Variants in TENM3 observed in about 807,000 individuals in gnomAD.
TENM3 encodes teneurin-3.
TENM3 carries 63 observed loss-of-function variants against 255.1 expected under a neutral mutation model. That is an observed-to-expected ratio of 0.25 (90% CI 0.20 to 0.30). The LOEUF (loss-of-function observed/expected upper bound fraction) is 0.30. Among genes scored for constraint, TENM3 ranks in the 10% least tolerant of loss-of-function variants. The pLI is 1.00. For synonymous variants in TENM3, 1,306 were observed against 1,322.3 expected (o/e 0.99, Z 0.27); for missense variants, 2,929 against 3,461.1 (o/e 0.85, Z 3.86).
chr4:182,602,021 G>A (rs1747933343), intron 4 of TENM3, among the ~76,000 whole-genome samples: 1 of 152,244 alleles, frequency 6.6e-6, no homozygotes, highest in African/African-American at 2.4e-5. Context: ...ACAAAAGTAT[G>A]ATCAGCGAAA....
At chr4:182,561,397 C>T (rs1044848252) in intron 3 of TENM3, among the ~76,000 whole-genome samples, 4 of 150,788 alleles carry the variant, frequency 2.7e-5, no homozygotes, top group Non-Finnish European at 5.9e-5. Flanking sequence ...AGGAAGATAG[C>T]AAAGCAGAAC....
chr4:181,570,655 A>AAAGCAAGCAAGC, the TENM3 span, among the ~76,000 whole-genome samples: 586 of 150,350 alleles, frequency 3.9e-3, 4 homozygotes, highest in South Asian at 0.014. Context: ...AGAAAGAAGG[A>AAAGCAAGCAAGC]AAGCAAGCAA....
chr4:181,717,923 T>C, the TENM3 span, among the ~76,000 whole-genome samples: 1 of 152,154 alleles, frequency 6.6e-6, no homozygotes, highest in Admixed American at 6.5e-5. Flanking sequence ...TAGTGCAAGA[T>C]TGTATGTTTA....
At chr4:181,888,306 C>A in the TENM3 span, among the ~76,000 whole-genome samples, 3 of 151,430 alleles carry the variant, frequency 2.0e-5, no homozygotes, top group Non-Finnish European at 4.4e-5. Context: ...GCTAGGGTTA[C>A]AGGCATGAGC....
the TENM3 span, among the ~76,000 whole-genome samples, chr4:181,943,700 C>T: frequency 8.5e-5 from 13 of 152,192 alleles, no homozygotes; most frequent in East Asian, 2.3e-3. Context: ...TTCCACAGAC[C>T]GTAGAAGCAA....
chr4:182,510,566 G>A (rs1163190912), intron 3 of TENM3, among the ~76,000 whole-genome samples: 1 of 152,078 alleles, frequency 6.6e-6, no homozygotes, highest in Non-Finnish European at 1.5e-5. Context: ...CATACATGTA[G>A]CATTTAATTA....
chr4:182,186,271 G>A (rs182400647), intron 1 of TENM3, among the ~76,000 whole-genome samples: 1,840 of 152,214 alleles, frequency 0.012, 14 homozygotes, highest in Non-Finnish European at 0.019. Flanking sequence ...TTGTTAAAAT[G>A]TAGAGAAAGT....
chr4:181,981,412 G>A, the TENM3 span, among the ~76,000 whole-genome samples: 5 of 152,008 alleles, frequency 3.3e-5, no homozygotes, highest in African/African-American at 9.7e-5. Context: ...AATGTAACAG[G>A]TATACTAGCT....
chr4:182,170,606 A>C (rs1262185591), intron 1 of TENM3, among the ~76,000 whole-genome samples: 1 of 117,352 alleles, frequency 8.5e-6, no homozygotes, highest in Non-Finnish European at 1.9e-5. Context: ...AAATTTAATT[A>C]GTTGTAAGTC....
At position 182,179,140 on chromosome 4, in the gene TENM3, C is replaced by A. The variant is rs564824987; in HGVS notation, c.-76+34386C>A. ...TAAATCTTGTATTTAAATTAGATTTCATTTCAAAATGCTTTTAAGGACCCC... is the reference window on the plus strand; with the variant it reads ...TAAATCTTGTATTTAAATTAGATTTAATTTCAAAATGCTTTTAAGGACCCC... On this transcript the variant is annotated intron_variant, in intron 1 of 2. Coordinates refer to the TENM3 transcript ENST00000512480. Among the ~76,000 whole-genome samples the A allele has an allele frequency of 3.9e-5, 6 of 152,272 alleles. No homozygotes were observed. The East Asian group carries it at 1.2e-3, about 29-fold the overall frequency.
intron 3 of TENM3, among the ~76,000 whole-genome samples, chr4:182,431,005 C>G (rs1054308470): frequency 1.3e-4 from 19 of 147,920 alleles, no homozygotes; most frequent in Non-Finnish European, 1.5e-4. Flanking sequence ...CAGCAAGACT[C>G]CATCTCTAAA....
chr4:182,696,082 G>A (rs1757378221), intron 12 of TENM3, among the ~76,000 whole-genome samples: 1 of 151,996 alleles, frequency 6.6e-6, no homozygotes. Context: ...ACTCAAAATA[G>A]TCTACTCTAC....
chr4:181,974,722 T>C, the TENM3 span, among the ~76,000 whole-genome samples: 5 of 152,192 alleles, frequency 3.3e-5, no homozygotes, highest in Non-Finnish European at 2.9e-5. Flanking sequence ...TGGAATACAT[T>C]TACTACCAGT....
At chr4:182,065,052 C>G in the TENM3 span, among the ~76,000 whole-genome samples, 2 of 106,660 alleles carry the variant, frequency 1.9e-5, no homozygotes, top group South Asian at 2.9e-4. Flanking sequence ...TTTTTTTTTT[C>G]GAGACCAAGT....
At chr4:182,352,209 T>C (rs1204137695) in intron 3 of TENM3, among the ~76,000 whole-genome samples, 1 of 152,044 alleles carries the variant, frequency 6.6e-6, no homozygotes, top group Admixed American at 6.5e-5. Context: ...GCTGATCATT[T>C]GTGCAGTCTG....
intron 1 of TENM3, among the ~76,000 whole-genome samples, chr4:182,283,163 T>G (rs1339466070): frequency 6.6e-6 from 1 of 152,194 alleles, no homozygotes; most frequent in Non-Finnish European, 1.5e-5. Flanking sequence ...CTGCTCCTTT[T>G]TCCTTTTAAA....
the TENM3 span, among the ~76,000 whole-genome samples, chr4:181,489,901 A>G: frequency 6.6e-6 from 1 of 152,186 alleles, no homozygotes; most frequent in Non-Finnish European, 1.5e-5. Context: ...TTTCCAGATC[A>G]TTTGGTTTTA....
At chr4:182,201,192 A>G (rs1489063633) in intron 1 of TENM3, among the ~76,000 whole-genome samples, 1 of 152,142 alleles carries the variant, frequency 6.6e-6, no homozygotes, top group Non-Finnish European at 1.5e-5. Context: ...ACGTTAGAAA[A>G]AGTCAATCAC....
At chr4:181,653,077 A>G in the TENM3 span, among the ~76,000 whole-genome samples, 1 of 152,142 alleles carries the variant, frequency 6.6e-6, no homozygotes, top group Non-Finnish European at 1.5e-5. Context: ...TTCACTCTGG[A>G]GTTATTTACC....
Sources: allele counts gnomAD v4.1 joint callset (sites outside exome capture counted in the v4.1 genomes callset), GRCh38; gene constraint gnomAD v4.1.1; transcripts MANE v1.5; gene names NCBI Gene and HGNC (gene_info 2026-07-23, HGNC 2026-07-21).